The following STAU2 variants were observed in gnomAD, a reference collection of about 807,000 sequenced individuals.
STAU2 encodes double-stranded RNA-binding protein Staufen homolog 2.
STAU2 carries 20 observed loss-of-function variants against 65.9 expected under a neutral mutation model. The ratio of observed to expected loss-of-function variants is 0.30; its 90% confidence interval spans 0.21 to 0.44. The LOEUF is 0.44. Ranked by LOEUF, STAU2 falls within the 20% of genes least tolerant of loss-of-function variation. The pLI is 1.00. For missense variants in STAU2, 558 were observed against 683.9 expected (o/e 0.82, Z 2.05); for synonymous variants, 232 against 233.9 (o/e 0.99, Z 0.07).
At chr8:73,443,585 T>C (rs1210869223) in intron 13 of STAU2, among the ~76,000 whole-genome samples, 1 of 152,208 alleles carries the variant, frequency 6.6e-6, no homozygotes, top group Non-Finnish European at 1.5e-5. Flanking sequence ...GGGTGCAGCG[T>C]ATCACACTGT....
intron 11 of STAU2, among the ~76,000 whole-genome samples, chr8:73,589,830 A>G (rs1563442580): frequency 6.6e-6 from 1 of 152,260 alleles, no homozygotes; most frequent in East Asian, 1.9e-4. Context: ...CCATGACATC[A>G]AATCACAGAT....
At chr8:73,742,061 G>C (rs1806924523) in intron 1 of STAU2, among the ~76,000 whole-genome samples, 1 of 152,146 alleles carries the variant, frequency 6.6e-6, no homozygotes. Context: ...TTTAAAAATT[G>C]TAGTTTGTAA....
chr8:73,593,131 A>G (rs967698774), intron 11 of STAU2, among the ~76,000 whole-genome samples: 4 of 151,800 alleles, frequency 2.6e-5, no homozygotes, highest in African/African-American at 9.7e-5. Context: ...CCTCCTCTCT[A>G]CCTTCACTGT....
At chr8:73,747,285 G>A, upstream of STAU2, 1 of 1,388,220 alleles carries the variant, frequency 7.2e-7, no homozygotes, top group Non-Finnish European at 9.8e-7. Context: ...GTGGGCCTGG[G>A]GCAGCCCCTT....
At chr8:73,523,213 A>G (rs958641323) in intron 13 of STAU2, among the ~76,000 whole-genome samples, 1 of 148,356 alleles carries the variant, frequency 6.7e-6, no homozygotes, top group Non-Finnish European at 1.5e-5. Flanking sequence ...AAAAAAAAAA[A>G]AAAAAAGAAA....
At chr8:73,441,961 G>C (rs1257573451) in intron 13 of STAU2, among the ~76,000 whole-genome samples, 3 of 152,048 alleles carry the variant, frequency 2.0e-5, no homozygotes, top group Non-Finnish European at 4.4e-5. Flanking sequence ...CAAATGCAAA[G>C]TCACTGTAAA....
chr8:73,566,803 A>G (rs1238719252), intron 12 of STAU2, among the ~76,000 whole-genome samples: 1 of 152,194 alleles, frequency 6.6e-6, no homozygotes, highest in Non-Finnish European at 1.5e-5. Context: ...TTTTTCTTCT[A>G]TGTATACCAT....
intron 3 of STAU2, among the ~76,000 whole-genome samples, chr8:73,726,456 C>T (rs1011154435): frequency 6.6e-6 from 1 of 152,148 alleles, no homozygotes; most frequent in Non-Finnish European, 1.5e-5. Flanking sequence ...GTCATTATTT[C>T]TTATAATATT....
intron 13 of STAU2, among the ~76,000 whole-genome samples, chr8:73,503,194 G>A (rs764594224): frequency 2.0e-4 from 31 of 152,114 alleles, no homozygotes; most frequent in Non-Finnish European, 3.7e-4. Flanking sequence ...ACGCTGCATA[G>A]CACAGTGTAC....
In STAU2 at chr8:73,422,610, T is replaced by C; in HGVS notation, c.1619+4A>G. ...GTAAGAATACTGACAGGGGATTTAC[T>C]CACTTTTCAAGAGAACCTTTTTCGA... is the stretch of plus-strand genomic sequence containing the variant. On this transcript the variant is annotated splice_donor_region_variant and intron_variant, in intron 14 of 14. Transcript: ENST00000524300. 1 of 1,508,072 alleles carries C rather than the reference T, an allele frequency of 6.6e-7. No homozygotes were observed. Among genetic ancestry groups the C allele is most frequent in the East Asian group, 2.5e-5 (1 of 39,734 alleles). 93.4% of individuals were successfully genotyped at this position (1,508,072 alleles called of 1,614,324 possible). A position where few individuals can be genotyped will look rare whatever the true frequency, so the allele number is the denominator to read the frequency against.
intron 11 of STAU2, among the ~76,000 whole-genome samples, chr8:73,585,522 A>G (rs77273911): frequency 5.9e-5 from 9 of 152,344 alleles, no homozygotes; most frequent in Non-Finnish European, 1.3e-4. Context: ...TAGGTAACAT[A>G]TGATTTTCAT....
Position 73,585,222 on chromosome 8 carries a change from T to C in STAU2, c.1162-2392A>G, listed in dbSNP as rs190086817. On this transcript the variant is annotated intron_variant, in intron 11 of 14. Transcript: ENST00000524300. ...TTGGCTGGATGTGGTGGCTCAAGCC[T>C]GTAATCCCAGCACTTTGGGAGGCCG... Among the ~76,000 whole-genome samples, 32 of 152,372 alleles carry C rather than the reference T, an allele frequency of 2.1e-4. No individual in the cohort carries two copies. In the East Asian group the frequency reaches 6.2e-3, roughly 29 times the overall value.
At chr8:73,437,620 C>G (rs1817805156) in intron 13 of STAU2, among the ~76,000 whole-genome samples, 1 of 152,168 alleles carries the variant, frequency 6.6e-6, no homozygotes, top group South Asian at 2.1e-4. Context: ...TTTGTCACCA[C>G]AGTCATGGAA....
At chr8:73,651,489 C>G in intron 6 of STAU2, 1 of 698,410 alleles carries the variant, frequency 1.4e-6, no homozygotes. Flanking sequence ...AGCCTCTTCT[C>G]GGAGTCACTG....
At chr8:73,709,314 C>A (rs1002786342) in intron 3 of STAU2, 152 bp from the exon 4 acceptor site, 1 of 668,722 alleles carries the variant, frequency 1.5e-6, no homozygotes, top group Non-Finnish European at 2.3e-6. Flanking sequence ...TCTTCCATTA[C>A]ATGCAACAGA....
intron 3 of STAU2, among the ~76,000 whole-genome samples, chr8:73,720,006 ATGATAGCTCATGTCTGT>A (rs1821527229): frequency 6.6e-6 from 1 of 152,196 alleles, no homozygotes; most frequent in African/African-American, 2.4e-5. Context: ...AGGGCTAGGC[ATGATAGCTCATGTCTGT>A]AACCCTACCA....
At chr8:73,730,659 A>G (rs1165256410) in intron 3 of STAU2, among the ~76,000 whole-genome samples, 1 of 149,160 alleles carries the variant, frequency 6.7e-6, no homozygotes, top group African/African-American at 2.5e-5. Flanking sequence ...CCCCGGAGGC[A>G]GAGGTTGCGG....
intron 12 of STAU2, among the ~76,000 whole-genome samples, chr8:73,556,024 T>C (rs1393787312): frequency 6.6e-6 from 1 of 152,236 alleles, no homozygotes; most frequent in African/African-American, 2.4e-5. Context: ...TTTCAACATT[T>C]TGCTTTAAAG....
At chr8:73,654,729 C>T (rs1423745060) in intron 6 of STAU2, among the ~76,000 whole-genome samples, 1 of 142,456 alleles carries the variant, frequency 7.0e-6, no homozygotes, top group East Asian at 2.0e-4. Flanking sequence ...CTCTGTCGCC[C>T]AGGCTGGAGT....
Sources: allele counts gnomAD v4.1 joint callset (sites outside exome capture counted in the v4.1 genomes callset), GRCh38; gene constraint gnomAD v4.1.1; transcripts MANE v1.5; gene names NCBI Gene and HGNC (gene_info 2026-07-23, HGNC 2026-07-21).